Variants in SBF2 observed in about 807,000 individuals in gnomAD.
SBF2 encodes myotubularin-related protein 13.
A neutral mutation model predicts 225.2 loss-of-function variants in SBF2; 112 were observed. The observed-to-expected ratio is 0.50, with a 90% CI of 0.43 to 0.58. SBF2 has a LOEUF of 0.58. Ranked by LOEUF, SBF2 falls within the 20% of genes least tolerant of loss-of-function variation. The pLI is 0.00. For missense variants in SBF2, 1,996 were observed against 2,206.2 expected, an observed-to-expected ratio of 0.90 and a Z score of 1.91; for synonymous variants, 763 against 773.3, an observed-to-expected ratio of 0.99 and a Z score of 0.22.
chr11:10,155,918 C>T (rs904782262), intron 2 of SBF2, among the ~76,000 whole-genome samples: 1 of 152,188 alleles, frequency 6.6e-6, no homozygotes, highest in African/African-American at 2.4e-5. Context: ...GTGGGGATGC[C>T]AGCTGCAGTC....
chr11:10,292,678 C>CAAA (rs5789633), intron 1 of SBF2, among the ~76,000 whole-genome samples: 5 of 85,784 alleles, frequency 5.8e-5, no homozygotes, highest in African/African-American at 8.9e-5. Context: ...AACTCCGTCT[C>CAAA]AAAAAAAAAA....
At chr11:9,973,022 C>T (rs1411819322) in intron 13 of SBF2, among the ~76,000 whole-genome samples, 1 of 152,088 alleles carries the variant, frequency 6.6e-6, no homozygotes, top group South Asian at 2.1e-4. Context: ...AGACTTATGC[C>T]CCAGAATACA....
chr11:10,144,704 A>G (rs1954809334), intron 2 of SBF2, among the ~76,000 whole-genome samples: 1 of 152,238 alleles, frequency 6.6e-6, no homozygotes, highest in South Asian at 2.1e-4. Flanking sequence ...AGAAAGTTCC[A>G]TAGTCATTTT....
chr11:9,969,570 T>C (rs1867191978), intron 13 of SBF2, among the ~76,000 whole-genome samples: 2 of 152,216 alleles, frequency 1.3e-5, no homozygotes, highest in African/African-American at 4.8e-5. Context: ...TCAAAGCCTT[T>C]GCACTTAACT....
At chr11:9,932,193 T>G (rs146534512) in intron 16 of SBF2, among the ~76,000 whole-genome samples, 295 of 152,266 alleles carry the variant, frequency 1.9e-3, no homozygotes, top group African/African-American at 6.9e-3. Flanking sequence ...TGGAACCAAG[T>G]TGGAAAACAC....
intron 6 of SBF2, among the ~76,000 whole-genome samples, chr11:10,010,436 A>G (rs1948397032): frequency 6.6e-6 from 1 of 152,084 alleles, no homozygotes; most frequent in Non-Finnish European, 1.5e-5. Flanking sequence ...AAAGGGGTTG[A>G]GTTTCAGTTT....
intron 2 of SBF2, among the ~76,000 whole-genome samples, chr11:10,142,761 G>A (rs1954705328): frequency 6.6e-6 from 1 of 152,116 alleles, no homozygotes; most frequent in South Asian, 2.1e-4. Flanking sequence ...CTGATACTTA[G>A]CACTTCCCTA....
At chr11:9,806,318 A>C (rs1325176174) in intron 32 of SBF2, among the ~76,000 whole-genome samples, 3 of 152,360 alleles carry the variant, frequency 2.0e-5, no homozygotes, top group Admixed American at 2.0e-4. Context: ...GACACAAATT[A>C]GTAATTATTG....
intron 24 of SBF2, among the ~76,000 whole-genome samples, chr11:9,844,407 C>T (rs187467039): frequency 6.6e-6 from 1 of 152,094 alleles, no homozygotes; most frequent in African/African-American, 2.4e-5. Context: ...GGCAGATGCC[C>T]GAATTCTACA....
At chr11:9,981,364 T>C (rs1946952187) in intron 13 of SBF2, among the ~76,000 whole-genome samples, 1 of 152,220 alleles carries the variant, frequency 6.6e-6, no homozygotes, top group Admixed American at 6.5e-5. Flanking sequence ...GCTCAGTGCC[T>C]GGGTGATGGC....
At chr11:10,008,434 C>G (rs1948294798) in intron 6 of SBF2, among the ~76,000 whole-genome samples, 1 of 152,172 alleles carries the variant, frequency 6.6e-6, no homozygotes, top group Non-Finnish European at 1.5e-5. Context: ...CTGATGTTCT[C>G]AAAACAGTTG....
chr11:9,900,545 G>A (rs1467111102), intron 16 of SBF2, among the ~76,000 whole-genome samples: 1 of 152,154 alleles, frequency 6.6e-6, no homozygotes, highest in Non-Finnish European at 1.5e-5. Flanking sequence ...CGCAGCAGCA[G>A]GGGCCACGTG....
At chr11:9,992,654 A>C in intron 11 of SBF2, 111 bp from the exon 12 acceptor site, 2 of 959,880 alleles carry the variant, frequency 2.1e-6, no homozygotes, top group Non-Finnish European at 3.0e-6. Flanking sequence ...TTCATGTATA[A>C]ATATATGCTG....
chr11:9,847,645 A>G (rs1856647112), intron 22 of SBF2, among the ~76,000 whole-genome samples: 2 of 152,198 alleles, frequency 1.3e-5, no homozygotes, highest in Admixed American at 1.3e-4. Context: ...TACTATATAT[A>G]TGTGCCTTTG....
upstream of SBF2, among the ~76,000 whole-genome samples, chr11:10,295,340 C>T (rs1368843679): frequency 1.3e-5 from 2 of 152,204 alleles, no homozygotes; most frequent in African/African-American, 4.8e-5. Context: ...GCCGCAATGG[C>T]TCCAACTCTG....
At chr11:9,952,368 CTT>C (rs1318643594) in intron 16 of SBF2, among the ~76,000 whole-genome samples, 1 of 152,224 alleles carries the variant, frequency 6.6e-6, no homozygotes, top group Non-Finnish European at 1.5e-5. Flanking sequence ...CCAACAGAAT[CTT>C]AAGCAGCTTT....
At chr11:10,153,387 C>T (rs1955312232) in intron 2 of SBF2, among the ~76,000 whole-genome samples, 1 of 152,104 alleles carries the variant, frequency 6.6e-6, no homozygotes, top group African/African-American at 2.4e-5. Context: ...ACCAATTTAT[C>T]TACAAAATCT....
At chr11:9,883,678 G>C (rs1781707774) in intron 17 of SBF2, among the ~76,000 whole-genome samples, 1 of 152,130 alleles carries the variant, frequency 6.6e-6, no homozygotes, top group Non-Finnish European at 1.5e-5. Context: ...GCAGAGGCTA[G>C]GTCTTCGATG....
chr11:9,953,189 T>C (rs1228565275), intron 16 of SBF2, among the ~76,000 whole-genome samples: 2 of 152,246 alleles, frequency 1.3e-5, no homozygotes, highest in South Asian at 4.1e-4. Context: ...CTTATGCCTG[T>C]AATCCCAGCA....
Sources: allele counts gnomAD v4.1 joint callset (sites outside exome capture counted in the v4.1 genomes callset), GRCh38; gene constraint gnomAD v4.1.1; transcripts MANE v1.5; gene names NCBI Gene and HGNC (gene_info 2026-07-23, HGNC 2026-07-21).